RNF2: variants seen among roughly 807,000 people sequenced by gnomAD.
RNF2 encodes the protein E3 ubiquitin-protein ligase RING2.
RNF2 carries 6 observed loss-of-function variants against 37.2 expected under a neutral mutation model. That is an observed-to-expected ratio of 0.16 (90% CI 0.09 to 0.32). RNF2 has a LOEUF of 0.32. Among genes scored for constraint, RNF2 ranks in the 10% least tolerant of loss-of-function variants. The probability of loss-of-function intolerance (pLI) is 1.00; values close to 1 mark genes in which losing one functional copy is unlikely to be tolerated. For synonymous variants in RNF2, 133 were observed against 132.7 expected, an observed-to-expected ratio of 1.00 and a Z score of -0.02; for missense variants, 251 against 404.0, an observed-to-expected ratio of 0.62 and a Z score of 3.25.
At position 185,100,293 on chromosome 1, in the gene RNF2, C is replaced by T; in HGVS notation, c.1003C>T (p.His335Tyr). The T allele has an allele frequency of 1.9e-6, 3 of 1,602,476 alleles. No homozygotes were observed. Among genetic ancestry groups the T allele is most frequent in the Non-Finnish European group, 2.6e-6 (3 of 1,175,854 alleles). Residue 335 changes from histidine to tyrosine, a missense_variant, in exon 7 of 7, where the codon CAC (histidine) becomes TAC (tyrosine). By Grantham distance (83) the His-to-Tyr change is moderately conservative. This residue lies in a region of RNF2 where 59 missense variants were observed against 69.1 expected (regional missense o/e 0.85). Transcript: ENST00000367510. ...MELYYAPTKE[H>Y]K The stretch of plus-strand genomic sequence containing the variant: ...ACTTTATTACGCACCTACAAAGGAG[C>T]ACAAATGAGCCTTTAAAAACCAATT...
chr1:185,075,555 G>A (rs759411297), intron 1 of RNF2, among the ~76,000 whole-genome samples: 6 of 152,156 alleles, frequency 3.9e-5, no homozygotes, highest in Admixed American at 2.6e-4. Flanking sequence ...TTGGCTCAAG[G>A]TTCTGCAAGG....
chr1:185,051,774 TAAC>T (rs1182455515), intron 1 of RNF2, among the ~76,000 whole-genome samples: 2 of 150,710 alleles, frequency 1.3e-5, no homozygotes, highest in East Asian at 1.9e-4. Flanking sequence ...TATTGAGGTA[TAAC>T]AACTGTATAC....
chr1:185,074,922 C>T (rs758015755), intron 1 of RNF2, among the ~76,000 whole-genome samples: 15 of 152,024 alleles, frequency 9.9e-5, no homozygotes, highest in Non-Finnish European at 1.8e-4. Flanking sequence ...GGAGGGGGAG[C>T]TCAGAGGGTG....
At chr1:185,076,408 A>G (rs1338270354) in intron 1 of RNF2, among the ~76,000 whole-genome samples, 76 of 147,450 alleles carry the variant, frequency 5.2e-4, no homozygotes, top group African/African-American at 1.7e-3. Flanking sequence ...CTCCTGCCTC[A>G]GACTCCCAAG....
chr1:185,080,591 T>C (rs1651316807), intron 1 of RNF2, among the ~76,000 whole-genome samples: 1 of 152,194 alleles, frequency 6.6e-6, no homozygotes, highest in Non-Finnish European at 1.5e-5. Context: ...GTGGTAGTAT[T>C]TAAGACTGTA....
chr1:185,062,807 A>ACCCC (rs1459972817), intron 1 of RNF2, among the ~76,000 whole-genome samples: 2 of 145,546 alleles, frequency 1.4e-5, no homozygotes, highest in African/African-American at 2.6e-5. Flanking sequence ...TAATTGGTAG[A>ACCCC]CCTCCCCCCC....
At chr1:185,049,055 G>A (rs532484276) in intron 1 of RNF2, among the ~76,000 whole-genome samples, 60 of 152,122 alleles carry the variant, frequency 3.9e-4, no homozygotes, top group African/African-American at 1.4e-3. Flanking sequence ...GTGAAACTCC[G>A]TCTCTACTAA....
intron 6 of RNF2, 43 bp from the exon 7 acceptor site, chr1:185,100,157 G>A: frequency 6.9e-7 from 1 of 1,441,186 alleles, no homozygotes; most frequent in East Asian, 2.3e-5. Flanking sequence ...TATTATTGTG[G>A]TTTGTGCAGT....
At chr1:185,065,873 TC>T (rs764561414) in intron 1 of RNF2, among the ~76,000 whole-genome samples, 2 of 152,058 alleles carry the variant, frequency 1.3e-5, no homozygotes, top group Non-Finnish European at 2.9e-5. Flanking sequence ...TTCCTTTTTT[TC>T]CCCCCTACTT....
chr1:185,063,230 G>A (rs1341021680), intron 1 of RNF2, among the ~76,000 whole-genome samples: 1 of 152,162 alleles, frequency 6.6e-6, no homozygotes, highest in Admixed American at 6.5e-5. Flanking sequence ...TTTTTACACA[G>A]AATACGTAGA....
intron 4 of RNF2, among the ~76,000 whole-genome samples, chr1:185,095,284 G>A (rs1651880068): frequency 6.6e-6 from 1 of 152,142 alleles, no homozygotes; most frequent in South Asian, 2.1e-4. Context: ...CTGTATGATA[G>A]GCACTCCTTT....
chr1:185,061,835 A>G (rs1252523972), intron 1 of RNF2, among the ~76,000 whole-genome samples: 1 of 152,220 alleles, frequency 6.6e-6, no homozygotes, highest in Non-Finnish European at 1.5e-5. Flanking sequence ...GCTTTGATCC[A>G]CAGAATATTA....
chr1:185,076,353 C>T (rs1464901854), intron 1 of RNF2, among the ~76,000 whole-genome samples: 9 of 126,248 alleles, frequency 7.1e-5, no homozygotes, highest in African/African-American at 2.4e-4. Flanking sequence ...TGCAGTGGCG[C>T]GATCTTGGCT....
chr1:185,076,308 T>G (rs866195878), intron 1 of RNF2, among the ~76,000 whole-genome samples: 93 of 113,282 alleles, frequency 8.2e-4, no homozygotes, highest in East Asian at 3.4e-3. Flanking sequence ...TTTTTTTTTT[T>G]GAGACAGAGT....
chr1:185,082,345 C>CTTTTTTTTTTTTTTTTTTTTTTAT (rs3036553), intron 1 of RNF2, among the ~76,000 whole-genome samples: 1 of 72,000 alleles, frequency 1.4e-5, no homozygotes, highest in Non-Finnish European at 2.9e-5. Context: ...CTCTGCAGAA[C>CTTTTTTTTTTTTTTTTTTTTTTAT]TTTTTTTTTT....
intron 1 of RNF2, among the ~76,000 whole-genome samples, chr1:185,047,863 C>T (rs1241172830): frequency 1.3e-5 from 2 of 152,182 alleles, no homozygotes; most frequent in African/African-American, 4.8e-5. Flanking sequence ...CTGTAGAAGA[C>T]ATTGTCATCA....
rs143286766 is a variant in RNF2 at position 185,095,029 on chromosome 1, A to G, written c.464+1753A>G. Among the ~76,000 whole-genome samples, 343 of 152,316 alleles carry G rather than the reference A, an allele frequency of 2.3e-3. 1 individual carries two copies. The highest frequency in any genetic ancestry group is 8.0e-3 in the African/African-American group (333 of 41,568). Reference sequence around the variant, plus strand: ...CCATAGATAATTCTGGAGTGTAGTCAAGATCAAAAACCACTGGCTTAAAGG... The same window carrying G: ...CCATAGATAATTCTGGAGTGTAGTCGAGATCAAAAACCACTGGCTTAAAGG... On this transcript the variant is annotated intron_variant, in intron 4 of 6. Transcript: ENST00000367510.
chr1:185,053,899 A>AT (rs1408531115), intron 1 of RNF2, among the ~76,000 whole-genome samples: 1 of 152,136 alleles, frequency 6.6e-6, no homozygotes, highest in Non-Finnish European at 1.5e-5. Context: ...TAAAAAAAAA[A>AT]GTCACTACCT....
intron 1 of RNF2, among the ~76,000 whole-genome samples, chr1:185,079,801 C>T (rs1180620127): frequency 4.6e-5 from 7 of 152,042 alleles, no homozygotes; most frequent in Admixed American, 2.6e-4. Flanking sequence ...TGGTGCTGGG[C>T]GCCTTGTAGT....
Sources: gnomAD v4.1 joint callset for allele counts (sites outside exome capture counted in the v4.1 genomes callset) on GRCh38, gnomAD v4.1.1 for gene constraint, gnomAD v4.1.1 regional missense constraint, MANE v1.5 for transcripts, NCBI Gene and HGNC (gene_info 2026-07-23, HGNC 2026-07-21) for gene names.